The following NEO1 variants were observed in gnomAD, a reference collection of about 807,000 sequenced individuals.
NEO1 encodes the protein neogenin 1.
In NEO1, 63 loss-of-function variants were observed where a neutral mutation model predicts 159.7. The ratio of observed to expected loss-of-function variants is 0.39; its 90% CI spans 0.32 to 0.49. The LOEUF (loss-of-function observed/expected upper bound fraction) is 0.49. Among genes scored for constraint, NEO1 ranks in the 20% least tolerant of loss-of-function variants. NEO1 has a pLI of 0.85. For missense variants in NEO1, 1,615 were observed against 1,831.0 expected (o/e 0.88, Z 2.15); for synonymous variants, 633 against 662.0 (o/e 0.96, Z 0.67).
chr15:73,116,907 A>G (rs1193970791), intron 2 of NEO1, 50 bp downstream of exon 2: 2 of 1,382,994 alleles, frequency 1.4e-6, no homozygotes, highest in Non-Finnish European at 2.0e-6. Context: ...TTTATAACAT[A>G]CATCTTGATA....
intron 7 of NEO1, among the ~76,000 whole-genome samples, chr15:73,205,498 G>T (rs1038483080): frequency 2.0e-5 from 3 of 152,150 alleles, no homozygotes; most frequent in African/African-American, 4.8e-5. Flanking sequence ...TGGAATCCTC[G>T]TGATGACAAC....
chr15:73,179,196 T>A (rs2035456221), intron 7 of NEO1, among the ~76,000 whole-genome samples: 2 of 152,228 alleles, frequency 1.3e-5, no homozygotes, highest in East Asian at 3.9e-4. Flanking sequence ...GGGATTGGAG[T>A]AACAAAGGTT....
intron 1 of NEO1, among the ~76,000 whole-genome samples, chr15:73,102,715 G>A (rs1231602613): frequency 6.6e-6 from 1 of 152,248 alleles, no homozygotes; most frequent in African/African-American, 2.4e-5. Flanking sequence ...TCTCTTAAAT[G>A]TTGGTGTTCT....
chr15:73,166,360 A>G (rs1451769048), intron 5 of NEO1, among the ~76,000 whole-genome samples: 1 of 152,216 alleles, frequency 6.6e-6, no homozygotes, highest in Non-Finnish European at 1.5e-5. Flanking sequence ...CATGTTACCA[A>G]ACTGAACTTC....
chr15:73,178,201 A>G (rs1567398407), intron 6 of NEO1, 106 bp from the exon 7 acceptor site: 2 of 1,052,764 alleles, frequency 1.9e-6, no homozygotes, highest in Non-Finnish European at 2.7e-6. Flanking sequence ...ATTGGATCAT[A>G]AAAACTTTAC....
In NEO1 at chr15:73,062,911, T is replaced by A. The variant is rs184353248; in HGVS notation, c.130+10106T>A. On this transcript the variant is annotated intron_variant, in intron 1 of 28. Transcript: ENST00000261908. ...AAACGTAGGCTCACAGGTTATCTGATAGAGATGATAGTTCAAGTCATAAGT... is the reference window on the plus strand; with the variant it reads ...AAACGTAGGCTCACAGGTTATCTGAAAGAGATGATAGTTCAAGTCATAAGT... 1.6e-3 allele frequency among the ~76,000 whole-genome samples: 244 copies of A among 152,218 alleles called. 1 individual carries two copies. Among genetic ancestry groups the A allele is most frequent in the African/African-American group, 5.6e-3 (232 of 41,538 alleles).
At chr15:73,072,754 G>A (rs1448330119) in intron 1 of NEO1, among the ~76,000 whole-genome samples, 1 of 152,148 alleles carries the variant, frequency 6.6e-6, no homozygotes, top group Non-Finnish European at 1.5e-5. Flanking sequence ...TCATACTTAG[G>A]CCCGTTGTAG....
intron 25 of NEO1, among the ~76,000 whole-genome samples, chr15:73,292,927 G>A (rs2042213091): frequency 6.6e-6 from 1 of 152,184 alleles, no homozygotes; most frequent in Admixed American, 6.5e-5. Context: ...GAATGTACTC[G>A]AAAAAGAAGG....
intron 1 of NEO1, among the ~76,000 whole-genome samples, chr15:73,101,667 A>G (rs894406612): frequency 6.6e-6 from 1 of 152,062 alleles, no homozygotes; most frequent in East Asian, 1.9e-4. Context: ...TGTGCTGTCT[A>G]TTGTCCAGTG....
chr15:73,146,950 T>G (rs2151813363), intron 5 of NEO1, among the ~76,000 whole-genome samples: 1 of 152,276 alleles, frequency 6.6e-6, no homozygotes, highest in South Asian at 2.1e-4. Flanking sequence ...GTGGGACAAA[T>G]AAGCAAAATT....
intron 1 of NEO1, among the ~76,000 whole-genome samples, chr15:73,096,911 G>A (rs2070074785): frequency 6.6e-6 from 1 of 152,124 alleles, no homozygotes; most frequent in Non-Finnish European, 1.5e-5. Flanking sequence ...GATTGCTTGA[G>A]CACAGGAGTT....
rs1051131856 is a variant in NEO1, at chr15:73,304,851, A to G, written c.*2155A>G. Reference sequence around the variant, plus strand: ...TATTTTTAAATAAAATAACTGTTCAAAGTTGGGGGTTTTTTAAAAAATTAA... The same window carrying G: ...TATTTTTAAATAAAATAACTGTTCAGAGTTGGGGGTTTTTTAAAAAATTAA... On this transcript the variant is annotated 3_prime_UTR_variant, in exon 29 of 29. Transcript: ENST00000261908. 1 of 152,132 alleles carries G rather than the reference A, an allele frequency of 6.6e-6. No individual in the cohort carries two copies. The highest frequency in any genetic ancestry group is 2.4e-5 in the African/African-American group (1 of 41,420). The allele number at this position is 152,132 out of a possible 1,614,324, so 9.4% of individuals were successfully genotyped here. A position where few individuals can be genotyped will look rare whatever the true frequency, so the allele number is the denominator to read the frequency against.
intron 7 of NEO1, among the ~76,000 whole-genome samples, chr15:73,195,117 A>G (rs1232077787): frequency 1.3e-5 from 2 of 152,214 alleles, no homozygotes; most frequent in East Asian, 3.8e-4. Flanking sequence ...GTGTTAAATA[A>G]AAGTCCTGCA....
At chr15:73,065,410 TTGTC>T (rs1469814115) in intron 1 of NEO1, among the ~76,000 whole-genome samples, 29 of 152,300 alleles carry the variant, frequency 1.9e-4, no homozygotes, top group Non-Finnish European at 4.4e-5. Context: ...TTCTCAGCTT[TTGTC>T]TGTCTGAAAA....
Position 73,227,579 on chromosome 15 carries a change from AC to A in NEO1, c.1292-8765del, listed in dbSNP as rs769095613. Among the ~76,000 whole-genome samples the A allele has an allele frequency of 6.2e-4, 95 of 152,060 alleles. 1 individual carries two copies. Among genetic ancestry groups the A allele is most frequent in the Admixed American group, 6.2e-3 (95 of 15,252 alleles). On this transcript the variant is annotated intron_variant, in intron 7 of 28. Transcript: ENST00000261908. ...AACAATTCAATTTCTGCTACTTACA[AC>A]CCTGTGCAGGCCCTTAGGTTTCAGC... is the stretch of plus-strand genomic sequence containing the variant.
At chr15:73,200,989 A>G (rs1210105166) in intron 7 of NEO1, among the ~76,000 whole-genome samples, 1 of 151,970 alleles carries the variant, frequency 6.6e-6, no homozygotes, top group South Asian at 2.1e-4. Flanking sequence ...GCCTTCCTTT[A>G]TCCTTTTAAT....
At chr15:73,073,717 A>G (rs996199633) in intron 1 of NEO1, among the ~76,000 whole-genome samples, 2 of 152,156 alleles carry the variant, frequency 1.3e-5, no homozygotes, top group Admixed American at 1.3e-4. Flanking sequence ...GCTGTACGTG[A>G]TAAGCAGGAA....
chr15:73,259,459 A>G (rs2040520035), intron 14 of NEO1, among the ~76,000 whole-genome samples: 1 of 146,822 alleles, frequency 6.8e-6, no homozygotes. Context: ...TCCCATGCTT[A>G]AGCACGATCC....
chr15:73,109,080 A>G (rs2070835234), intron 1 of NEO1, among the ~76,000 whole-genome samples: 1 of 152,192 alleles, frequency 6.6e-6, no homozygotes. Flanking sequence ...CTTGGTTTTA[A>G]GATCACTTAA....
Sources: gnomAD v4.1 joint callset for allele counts (sites outside exome capture counted in the v4.1 genomes callset) on GRCh38, gnomAD v4.1.1 for gene constraint, MANE v1.5 for transcripts, NCBI Gene and HGNC (gene_info 2026-07-23, HGNC 2026-07-21) for gene names.